CLASP2: variants seen among roughly 807,000 people sequenced by gnomAD.
CLASP2 encodes cytoplasmic linker associated protein 2, also known as CLIP-associating protein 2.
CLASP2 carries 47 observed loss-of-function variants against 194.4 expected under a neutral mutation model. That is an observed-to-expected ratio of 0.24 (90% CI 0.19 to 0.31). The LOEUF is 0.31. Ranked by LOEUF, CLASP2 falls within the 10% of genes least tolerant of loss-of-function variation. CLASP2 has a pLI of 1.00. For synonymous variants in CLASP2, 619 were observed against 633.5 expected (o/e 0.98, Z 0.34); for missense variants, 1,445 against 1,823.6 (o/e 0.79, Z 3.78).
At chr3:33,533,163 C>T (rs2056670736) in intron 34 of CLASP2, among the ~76,000 whole-genome samples, 1 of 152,158 alleles carries the variant, frequency 6.6e-6, no homozygotes, top group African/African-American at 2.4e-5. Context: ...TCTCAATTTA[C>T]CAGGCTGTTG....
intron 2 of CLASP2, among the ~76,000 whole-genome samples, chr3:33,692,031 GTGA>G (rs1276345742): frequency 3.3e-5 from 5 of 152,100 alleles, no homozygotes; most frequent in Admixed American, 2.6e-4. Context: ...TTAGCCGAGC[GTGA>G]TGATGCGTGT....
At chr3:33,499,411 G>A (rs567104139) in intron 38 of CLASP2, among the ~76,000 whole-genome samples, 10 of 147,382 alleles carry the variant, frequency 6.8e-5, no homozygotes, top group South Asian at 6.4e-4. Flanking sequence ...GTGTAGTGGC[G>A]CAATCTCAGC....
At chr3:33,501,021 C>T (rs540053562) in intron 38 of CLASP2, among the ~76,000 whole-genome samples, 50 of 152,266 alleles carry the variant, frequency 3.3e-4, no homozygotes, top group Middle Eastern at 3.4e-3. Context: ...GATGGGATTA[C>T]GGGTATGAAC....
intron 7 of CLASP2, among the ~76,000 whole-genome samples, chr3:33,661,398 AAGT>A (rs2085281974): frequency 6.6e-6 from 1 of 152,232 alleles, no homozygotes; most frequent in Non-Finnish European, 1.5e-5. Context: ...CATGGAACAG[AAGT>A]CTACAGAAGT....
At chr3:33,712,205 CTT>C (rs1344284416) in intron 1 of CLASP2, among the ~76,000 whole-genome samples, 1 of 152,090 alleles carries the variant, frequency 6.6e-6, no homozygotes, top group Non-Finnish European at 1.5e-5. Context: ...AAAATAATGT[CTT>C]TTACAGCAAC....
chr3:33,555,311 T>G (rs577037344), intron 29 of CLASP2, among the ~76,000 whole-genome samples: 2 of 152,098 alleles, frequency 1.3e-5, no homozygotes, highest in East Asian at 3.9e-4. Flanking sequence ...AAGAGACTTC[T>G]GGTTAGTTTT....
At chr3:33,695,574 A>C (rs2091805157) in intron 2 of CLASP2, among the ~76,000 whole-genome samples, 1 of 152,130 alleles carries the variant, frequency 6.6e-6, no homozygotes, top group African/African-American at 2.4e-5. Context: ...TGAAGAAAAA[A>C]GTTAACCAAA....
chr3:33,584,668 C>T (rs1344709774), intron 22 of CLASP2, 82 bp downstream of exon 22: 9 of 1,244,222 alleles, frequency 7.2e-6, no homozygotes, highest in African/African-American at 3.2e-5. Context: ...AATTGTATTC[C>T]AAAGTCTTCA....
At chr3:33,559,033 A>G (rs1229122913) in intron 29 of CLASP2, 2 of 497,846 alleles carry the variant, frequency 4.0e-6, no homozygotes, top group African/African-American at 3.9e-5. Flanking sequence ...CATGCGTAAA[A>G]GGCTTACAAA....
intron 30 of CLASP2, among the ~76,000 whole-genome samples, chr3:33,547,775 A>G (rs2059378724): frequency 6.7e-6 from 1 of 149,032 alleles, no homozygotes; most frequent in Non-Finnish European, 1.5e-5. Flanking sequence ...TTCTTTGTGC[A>G]GTTTTATTTT....
intron 8 of CLASP2, among the ~76,000 whole-genome samples, chr3:33,642,010 A>T (rs962041414): frequency 2.6e-5 from 4 of 152,012 alleles, no homozygotes; most frequent in Non-Finnish European, 5.9e-5. Flanking sequence ...GAAATAGAAC[A>T]ATCTTCAAGT....
Position 33,583,866 on chromosome 3 carries a change from G to T in CLASP2, c.2239+884C>A, listed in dbSNP as rs1014662122. Among the ~76,000 whole-genome samples the T allele has an allele frequency of 2.0e-5, 3 of 152,166 alleles. No individual in the cohort carries two copies. The South Asian group carries it at 6.2e-4, about 32-fold the overall frequency. On this transcript the variant is annotated intron_variant, in intron 22 of 38. Coordinates refer to ENST00000682230, the MANE Select transcript of CLASP2 (RefSeq NM_001365631.1). Reference sequence around the variant, plus strand: ...CGGATCAAGTAGCAGCTATCCTAAGGACAAAGTCAGCAACATGGTTGATAA... The same window carrying T: ...CGGATCAAGTAGCAGCTATCCTAAGTACAAAGTCAGCAACATGGTTGATAA...
intron 1 of CLASP2, among the ~76,000 whole-genome samples, chr3:33,711,280 C>A (rs1450675893): frequency 6.9e-6 from 1 of 144,026 alleles, no homozygotes; most frequent in Admixed American, 7.1e-5. Flanking sequence ...AAATCTCATT[C>A]TCTCACCCAG....
intron 1 of CLASP2, among the ~76,000 whole-genome samples, chr3:33,708,296 T>G (rs1340793204): frequency 1.3e-5 from 2 of 151,576 alleles, no homozygotes; most frequent in African/African-American, 4.8e-5. Flanking sequence ...TTTTTTTTTT[T>G]TTAAATATTT....
intron 37 of CLASP2, among the ~76,000 whole-genome samples, chr3:33,509,097 T>G (rs1380131770): frequency 2.6e-5 from 4 of 152,216 alleles, no homozygotes; most frequent in Admixed American, 1.3e-4. Flanking sequence ...GTAGGAAACA[T>G]TTTTTGAGAT....
intron 9 of CLASP2, 87 bp from the exon 10 acceptor site, chr3:33,627,167 C>T (rs2078195891): frequency 1.4e-5 from 11 of 762,100 alleles, no homozygotes; most frequent in Admixed American, 2.3e-5. Flanking sequence ...TAATCTTTCA[C>T]CTATTAAGTT....
At chr3:33,671,591 C>A (rs1355616303) in intron 6 of CLASP2, among the ~76,000 whole-genome samples, 1 of 152,132 alleles carries the variant, frequency 6.6e-6, no homozygotes, top group East Asian at 1.9e-4. Flanking sequence ...ACAGTGGGCG[C>A]AGGTCAGTGG....
At chr3:33,626,110 C>T (rs1273710401) in intron 10 of CLASP2, among the ~76,000 whole-genome samples, 1 of 152,062 alleles carries the variant, frequency 6.6e-6, no homozygotes, top group Non-Finnish European at 1.5e-5. Context: ...TGGAGGAATA[C>T]TCTCTGTTAA....
Position 33,549,077 on chromosome 3 carries a change from C to T in CLASP2, c.3153+2175G>A, listed in dbSNP as rs529458307. ...CAGGTGTTGGGATTACAGGTGTGTG[C>T]CACCACACCCAGCACATTTGTAATT... On this transcript the variant is annotated intron_variant, in intron 30 of 38. Transcript: ENST00000682230. Among the ~76,000 whole-genome samples the T allele has an allele frequency of 3.4e-5, 5 of 148,892 alleles. No homozygotes were observed. In the East Asian group the frequency reaches 9.7e-4, roughly 29 times the overall value.
Sources: gnomAD v4.1 joint callset for allele counts (sites outside exome capture counted in the v4.1 genomes callset) on GRCh38, gnomAD v4.1.1 for gene constraint, MANE v1.5 for transcripts, NCBI Gene and HGNC (gene_info 2026-07-23, HGNC 2026-07-21) for gene names.